The following PLCH1 variants were observed in gnomAD, a reference collection of about 807,000 sequenced individuals.
PLCH1 encodes phospholipase C eta 1.
Under a neutral mutation model 126.7 loss-of-function variants are expected in PLCH1, and 60 were observed. The ratio of observed to expected loss-of-function variants is 0.47; its 90% confidence interval spans 0.38 to 0.59. The LOEUF is 0.59. Ranked by LOEUF, PLCH1 falls within the 20% of genes least tolerant of loss-of-function variation. The pLI, the probability that PLCH1 is intolerant of heterozygous loss-of-function variation, is 0.00. For synonymous variants in PLCH1, 719 were observed against 734.9 expected (o/e 0.98, Z 0.35); for missense variants, 1,723 against 2,040.0 (o/e 0.84, Z 2.99).
intron 1 of PLCH1, among the ~76,000 whole-genome samples, chr3:155,709,767 A>G (rs2109099814): frequency 6.6e-6 from 1 of 152,126 alleles, no homozygotes; most frequent in East Asian, 1.9e-4. Context: ...ACCAGCGTGA[A>G]CCACCATGTC....
chr3:155,666,895 T>A (rs1016025516), intron 2 of PLCH1, among the ~76,000 whole-genome samples: 1 of 21,696 alleles, frequency 4.6e-5, no homozygotes, highest in Non-Finnish European at 6.7e-5. Context: ...ACAGATGAGG[T>A]GTGTGTGTGT....
intron 4 of PLCH1, 122 bp downstream of exon 4, chr3:155,593,819 A>T: frequency 1.0e-6 from 1 of 957,192 alleles, no homozygotes; most frequent in African/African-American, 1.6e-5. Context: ...TGTGAGGGGT[A>T]AAGAAAGAGA....
In PLCH1 at chr3:155,481,120, C is replaced by T. The variant is rs777105013; in HGVS notation, c.4906G>A (p.Gly1636Arg). Residue 1636 changes from glycine to arginine, a missense_variant, in exon 23 of 23, where the codon GGG (glycine) becomes AGG (arginine). By Grantham distance (125) the Gly-to-Arg change is moderately radical. Around this residue, in one of 2 missense-constraint regions of PLCH1, gnomAD observed 947 missense variants for 977.1 expected, o/e 0.97. Transcript: ENST00000460012. This position sits in a 1 kb window ranked among gnomAD's most constrained non-coding sequence, Gnocchi z 4.2. ...ATGCCCCGGCCTTCAAGGCCACCCCCTTTCGTGTTCTTCAGGTAGCCTGCG... is the reference window on the plus strand; with the variant it reads ...ATGCCCCGGCCTTCAAGGCCACCCCTTTTCGTGTTCTTCAGGTAGCCTGCG... ...YIAGYLKNTK[G>R]GGLEGRGIPE... 24 of 1,614,084 alleles carry T rather than the reference C, an allele frequency of 1.5e-5. No homozygotes were observed. The highest frequency in any genetic ancestry group is 1.3e-4 in the African/African-American group (10 of 74,950).
intron 11 of PLCH1, among the ~76,000 whole-genome samples, chr3:155,523,009 C>G (rs1325994299): frequency 1.3e-5 from 2 of 151,860 alleles, no homozygotes; most frequent in Non-Finnish European, 2.9e-5. Flanking sequence ...GAGTCTCGCT[C>G]TGTCGCCCAG....
chr3:155,722,673 G>A (rs1470529795), intron 1 of PLCH1, among the ~76,000 whole-genome samples: 6 of 152,098 alleles, frequency 3.9e-5, no homozygotes, highest in Non-Finnish European at 5.9e-5. Flanking sequence ...TATGAAACCC[G>A]CTTGATCATG....
chr3:155,512,258 T>C (rs1010871279), intron 12 of PLCH1, among the ~76,000 whole-genome samples: 1 of 152,162 alleles, frequency 6.6e-6, no homozygotes, highest in African/African-American at 2.4e-5. Flanking sequence ...TATCACCAAC[T>C]TTGACCTCTC....
In PLCH1 at chr3:155,680,615, A is replaced by G. The variant is rs569088530; in HGVS notation, c.79+23531T>C. Among the ~76,000 whole-genome samples the G allele has an allele frequency of 1.0e-3, 154 of 152,288 alleles. 3 individuals are homozygous for G. The South Asian group carries it at 0.03, about 30-fold the overall frequency. Reference sequence around the variant, plus strand: ...CTCTGCTGTTAAGTTGTACATTGAGAGCATAAACTGTAACAAACTTAATGA... The same window carrying G: ...CTCTGCTGTTAAGTTGTACATTGAGGGCATAAACTGTAACAAACTTAATGA... On this transcript the variant is annotated intron_variant, in intron 2 of 22. Coordinates refer to ENST00000460012, the MANE Select transcript of PLCH1 (RefSeq NM_014996.4).
At chr3:155,671,512 A>G (rs1042092227) in intron 2 of PLCH1, among the ~76,000 whole-genome samples, 3 of 152,248 alleles carry the variant, frequency 2.0e-5, no homozygotes, top group African/African-American at 7.2e-5. Flanking sequence ...TTTAAAGTCA[A>G]TCTATGATCA....
At chr3:155,617,315 T>C (rs964215455) in intron 2 of PLCH1, among the ~76,000 whole-genome samples, 2 of 152,060 alleles carry the variant, frequency 1.3e-5, no homozygotes, top group Non-Finnish European at 2.9e-5. Flanking sequence ...ACTGGGCCAT[T>C]AGAATAGAGA....
chr3:155,660,767 T>C (rs1742038042), intron 2 of PLCH1, among the ~76,000 whole-genome samples: 1 of 152,188 alleles, frequency 6.6e-6, no homozygotes, highest in African/African-American at 2.4e-5. Context: ...AACATGCCCC[T>C]TTTTTAAAAA....
At position 155,479,929 on chromosome 3, in the gene PLCH1, A is replaced by G. The variant is rs1462335520; in HGVS notation, c.*1039T>C. 1 of 152,086 alleles carries G rather than the reference A, an allele frequency of 6.6e-6. No individual in the cohort carries two copies. Among genetic ancestry groups the G allele is most frequent in the Non-Finnish European group, 1.5e-5 (1 of 67,916 alleles). 9.4% of individuals were successfully genotyped at this position (152,086 alleles called of 1,614,324 possible). ...TATTTTCATGAATTCCAGGAAGAAC[A>G]TCATTGCAGTTAATGTTACAAAAAA... is the stretch of plus-strand genomic sequence containing the variant. On this transcript the variant is annotated 3_prime_UTR_variant, in exon 23 of 23. Coordinates refer to ENST00000460012, the MANE Select transcript of PLCH1 (RefSeq NM_014996.4).
Position 155,600,890 on chromosome 3 carries a change from T to C in PLCH1, c.80-4512A>G, listed in dbSNP as rs528758937. Among the ~76,000 whole-genome samples the C allele has an allele frequency of 8.5e-5, 13 of 152,348 alleles. No homozygotes were observed. In the East Asian group the frequency reaches 1.7e-3, roughly 20 times the overall value. ...AGAGCAGAACAGATGAGTCGAAGACTATATTCCTAACTTTATTACATAGCT... is the reference window on the plus strand; with the variant it reads ...AGAGCAGAACAGATGAGTCGAAGACCATATTCCTAACTTTATTACATAGCT... On this transcript the variant is annotated intron_variant, in intron 2 of 22. Transcript: ENST00000460012.
chr3:155,718,048 C>G (rs374570980), intron 1 of PLCH1, among the ~76,000 whole-genome samples: 7 of 152,212 alleles, frequency 4.6e-5, no homozygotes, highest in African/African-American at 1.7e-4. Flanking sequence ...TTGAACAATA[C>G]TGCCCAGAAA....
At chr3:155,470,343 G>A (rs1713148514) in intron 21 of PLCH1, among the ~76,000 whole-genome samples, 1 of 152,128 alleles carries the variant, frequency 6.6e-6, no homozygotes, top group Admixed American at 6.6e-5. Context: ...AAGATGAAAT[G>A]AATGAAATGA....
At chr3:155,512,660 G>A (rs1003671140) in intron 12 of PLCH1, among the ~76,000 whole-genome samples, 1 of 152,176 alleles carries the variant, frequency 6.6e-6, no homozygotes, top group Non-Finnish European at 1.5e-5. Context: ...GAAAGTGGAG[G>A]TGTGCACGTG....
chr3:155,584,489 A>G (rs1731105261), intron 5 of PLCH1, among the ~76,000 whole-genome samples: 1 of 152,234 alleles, frequency 6.6e-6, no homozygotes, highest in African/African-American at 2.4e-5. Context: ...ATTATTGAGC[A>G]TGAAGCTTCC....
At chr3:155,503,120 A>G (rs1407718172) in intron 13 of PLCH1, among the ~76,000 whole-genome samples, 1 of 152,200 alleles carries the variant, frequency 6.6e-6, no homozygotes, top group Non-Finnish European at 1.5e-5. Flanking sequence ...GGGACAGTAC[A>G]CTGGTCATAA....
intron 2 of PLCH1, among the ~76,000 whole-genome samples, chr3:155,635,212 C>T (rs568964516): frequency 2.6e-5 from 4 of 152,164 alleles, no homozygotes; most frequent in African/African-American, 9.6e-5. Flanking sequence ...ATTCAGCCCC[C>T]ATCTCTTTTT....
chr3:155,596,183 C>T (rs752093004), intron 3 of PLCH1, 49 bp downstream of exon 3: 30 of 1,451,664 alleles, frequency 2.1e-5, no homozygotes, highest in East Asian at 1.1e-4. Flanking sequence ...CAGTATAACC[C>T]GTGTGTTACT....
Sources: allele counts gnomAD v4.1 joint callset (sites outside exome capture counted in the v4.1 genomes callset), GRCh38; gene constraint gnomAD v4.1.1; regional missense constraint gnomAD v4.1.1; non-coding constraint Gnocchi (gnomAD v3.1); transcripts MANE v1.5; gene names NCBI Gene and HGNC (gene_info 2026-07-23, HGNC 2026-07-21).